Variants in EEF1D observed in about 807,000 individuals in gnomAD.
EEF1D encodes elongation factor 1-delta.
EEF1D carries 47 observed loss-of-function variants against 63.9 expected under a neutral mutation model. The observed-to-expected ratio is 0.74, with a 90% CI of 0.58 to 0.94. EEF1D has a LOEUF of 0.94. Among genes scored for constraint, EEF1D ranks in the 40% least tolerant of loss-of-function variants. The pLI, the probability that EEF1D is intolerant of heterozygous loss-of-function variation, is 0.00. For missense variants in EEF1D, 907 were observed against 899.0 expected, an observed-to-expected ratio of 1.01 and a Z score of -0.11; for synonymous variants, 412 against 386.1, an observed-to-expected ratio of 1.07 and a Z score of -0.79.
chr8:143,580,280 C>T lies in EEF1D; in HGVS notation c.1711-74G>A, dbSNP rs1160375475. 53 of 1,456,022 alleles carry T rather than the reference C, an allele frequency of 3.6e-5. 1 individual carries two copies. Among genetic ancestry groups the T allele is most frequent in the South Asian group, 1.1e-4 (9 of 79,756 alleles). 90.2% of individuals were successfully genotyped at this position (1,456,022 alleles called of 1,614,324 possible). A position where few individuals can be genotyped will look rare whatever the true frequency, so the allele number is the denominator to read the frequency against. On this transcript the variant is annotated intron_variant, in intron 8 of 9. Transcript: ENST00000618139. The stretch of plus-strand genomic sequence containing the variant: ...CCAGGAAGTACCTGCATGCACCCTA[C>T]CCTCAACCACTGTGTGTCCACAATT...
In EEF1D at chr8:143,580,947, C is replaced by A. The variant is rs1825380962; in HGVS notation, c.1488+107G>T. 5 of 1,333,300 alleles carry A rather than the reference C, an allele frequency of 3.8e-6. No individual in the cohort carries two copies. In the East Asian group the frequency reaches 9.2e-5, roughly 25 times the overall value. The allele number at this position is 1,333,300 out of a possible 1,614,324, so 82.6% of individuals were successfully genotyped here. A position where few individuals can be genotyped will look rare whatever the true frequency, so the allele number is the denominator to read the frequency against. ...CCTGGGGACCTGAGGACTCCAGTATCCTGGCTGCCAGCTCATCACTGCTGC... is the reference window on the plus strand; with the variant it reads ...CCTGGGGACCTGAGGACTCCAGTATACTGGCTGCCAGCTCATCACTGCTGC... On this transcript the variant is annotated intron_variant, in intron 7 of 9. Coordinates refer to ENST00000618139, the MANE Select transcript of EEF1D (RefSeq NM_001130053.5).
rs1171511576 is a variant in EEF1D, at chr8:143,597,333, G to T, written c.-15+15C>A. 1.3e-5 allele frequency: 2 copies of T among 152,186 alleles called. No individual in the cohort carries two copies. The highest frequency in any genetic ancestry group is 2.9e-5 in the Non-Finnish European group (2 of 68,016). The allele number at this position is 152,186 out of a possible 1,614,324, so 9.4% of individuals were successfully genotyped here. A position where few individuals can be genotyped will look rare whatever the true frequency, so the allele number is the denominator to read the frequency against. The stretch of plus-strand genomic sequence containing the variant: ...GTCGCGCCCGACTCCTTCCGGCGGG[G>T]GCCGCGGTACTCACACGCCAGCCAA... On this transcript the variant is annotated intron_variant, in intron 1 of 9. Coordinates refer to ENST00000618139, the MANE Select transcript of EEF1D (RefSeq NM_001130053.5).
rs562131178 is a variant in EEF1D at position 143,579,793 on chromosome 8, C to T, written c.1943G>A (p.Ter648=). The change falls in exon 10 of 10, where the codon TGA becomes TAA. Residue 648 remains the stop codon, a stop_retained_variant. Coordinates refer to ENST00000618139, the MANE Select transcript of EEF1D (RefSeq NM_001130053.5). The part of the protein sequence containing the change: ...SVDIAAFNKI[*] Reference sequence around the variant, plus strand: ...CGCGCACGTACACACACTCAGGCTTCAGATCTTGTTGAAAGCTGCGATATC... The same window carrying T: ...CGCGCACGTACACACACTCAGGCTTTAGATCTTGTTGAAAGCTGCGATATC... The T allele has an allele frequency of 4.5e-6, 7 of 1,562,462 alleles. No individual in the cohort carries two copies. The African/African-American group carries it at 6.8e-5, about 15-fold the overall frequency.
chr8:143,580,948 C>T (rs145556475), intron 7 of EEF1D, 106 bp downstream of exon 7: 20,645 of 1,341,054 alleles, frequency 0.015, 277 homozygotes, highest in South Asian at 0.035. Flanking sequence ...CTCCAGTATC[C>T]TGGCTGCCAG....
intron 1 of EEF1D, among the ~76,000 whole-genome samples, chr8:143,593,301 C>T (rs968232208): frequency 2.0e-5 from 3 of 152,222 alleles, no homozygotes; most frequent in South Asian, 2.1e-4. Context: ...AGGACAGGAC[C>T]TCCACCCAGT....
At chr8:143,595,941 C>T (rs1212212036) in intron 1 of EEF1D, 1 of 152,338 alleles carries the variant, frequency 6.6e-6, no homozygotes, top group East Asian at 1.9e-4. Flanking sequence ...GCTTCCAACA[C>T]GCTGATGTCA....
intron 5 of EEF1D, chr8:143,583,980 C>G (rs1826047085): frequency 6.6e-6 from 1 of 152,248 alleles, no homozygotes; most frequent in Non-Finnish European, 1.5e-5. Context: ...CCAGAAGAGA[C>G]AAGGAAGCGG....
chr8:143,581,790 G>C (rs1825611180), intron 5 of EEF1D: 1 of 168,692 alleles, frequency 5.9e-6, no homozygotes, highest in Non-Finnish European at 1.3e-5. Flanking sequence ...GCCACCCAAA[G>C]CTTTGTCTCC....
rs1437709742 is a variant in EEF1D at position 143,589,229 on chromosome 8, C to T, written c.853G>A (p.Gly285Arg). The T allele has an allele frequency of 1.3e-6, 2 of 1,577,714 alleles. No homozygotes were observed. The change falls in exon 3 of 10, where the codon GGG becomes AGG. Residue 285 changes from glycine to arginine, a missense_variant. By Grantham distance (125) the Gly-to-Arg change is moderately radical. Coordinates refer to ENST00000618139, the MANE Select transcript of EEF1D (RefSeq NM_001130053.5). ...CGTCGCAGCCCGGCCCGCTTGTTCC[C>T]TAAGATGTTGCGGCCCCGCCGGTCT... ...RRDRRGRNILGNKRAGLRRAD... is the reference protein window; with the variant it reads ...RRDRRGRNILRNKRAGLRRAD...
rs530995002 is a variant in EEF1D at position 143,589,233 on chromosome 8, G to C, written c.849C>G (p.Ile283Met). The C allele has an allele frequency of 6.4e-6, 10 of 1,572,492 alleles. No homozygotes were observed. In the South Asian group the frequency reaches 1.1e-4, roughly 18 times the overall value. ...GCAGCCCGGCCCGCTTGTTCCCTAA[G>C]ATGTTGCGGCCCCGCCGGTCTCTGC... ...RGRRDRRGRNILGNKRAGLRR... is the reference protein window; with the variant it reads ...RGRRDRRGRNMLGNKRAGLRR... Residue 283 changes from isoleucine (I) to methionine (M), a missense_variant, in exon 3 of 10, where the codon ATC becomes ATG. Coordinates refer to ENST00000618139, the MANE Select transcript of EEF1D (RefSeq NM_001130053.5).
At chr8:143,586,621 T>C in intron 4 of EEF1D, 108 bp downstream of exon 4, 4 of 1,467,606 alleles carry the variant, frequency 2.7e-6, no homozygotes, top group African/African-American at 1.4e-5. Context: ...GCAGAGCCAC[T>C]GGGCCAGGGT....
chr8:143,589,968 G>T lies in EEF1D; in HGVS notation c.114C>A (p.Ser38=). ...YEHEATQAAA[S]AQQLPAEGPA... ...GCCCCTCGGCTGGCAGCTGCTGGGC[G>T]GAGGCGGCCGCCTGTGTGGCCTCGT... Residue 38 remains serine (S), a synonymous_variant, in exon 3 of 10, where the codon TCC becomes TCA. Transcript: ENST00000618139. 6.3e-7 allele frequency: 1 copy of T among 1,598,890 alleles called. No homozygotes were observed.
chr8:143,583,688 A>G (rs1216793540), intron 5 of EEF1D: 2 of 145,020 alleles, frequency 1.4e-5, no homozygotes, highest in Non-Finnish European at 3.0e-5. Flanking sequence ...GAGCCAGCAC[A>G]CCCCTAGGTG....
At chr8:143,591,441 G>A (rs1301375264) in intron 2 of EEF1D, among the ~76,000 whole-genome samples, 1 of 152,186 alleles carries the variant, frequency 6.6e-6, no homozygotes, top group Non-Finnish European at 1.5e-5. Context: ...AAGGCCAGGG[G>A]CAAATCTGCT....
chr8:143,593,768 C>T (rs1171003195), intron 1 of EEF1D: 1 of 768,696 alleles, frequency 1.3e-6, no homozygotes, highest in Non-Finnish European at 1.6e-6. Flanking sequence ...GGGAGCTGGC[C>T]ACTAACAGCG....
chr8:143,582,694 A>G (rs1825788717), intron 5 of EEF1D: 1 of 151,940 alleles, frequency 6.6e-6, no homozygotes, highest in Admixed American at 6.6e-5. Context: ...AGCCCACAGC[A>G]CTCAGGACAC....
intron 3 of EEF1D, 26 bp from the exon 4 acceptor site, chr8:143,586,878 G>A (rs375102743): frequency 5.0e-6 from 8 of 1,611,796 alleles, no homozygotes; most frequent in Non-Finnish European, 6.8e-6. Context: ...GGCAAAGTCA[G>A]CATGGCTGGG....
intron 1 of EEF1D, chr8:143,593,816 A>C: frequency 1.0e-6 from 1 of 978,176 alleles, no homozygotes; most frequent in Non-Finnish European, 1.2e-6. Flanking sequence ...ACAGCCCCCC[A>C]CACGTCCGAG....
rs1227454025 is a variant in EEF1D at position 143,589,990 on chromosome 8, T to C, written c.92A>G (p.Glu31Gly). 6.3e-7 allele frequency: 1 copy of C among 1,599,396 alleles called. No homozygotes were observed. The highest frequency in any genetic ancestry group is 1.3e-5 in the African/African-American group (1 of 74,930). Residue 31 changes from glutamate to glycine, a missense_variant, in exon 3 of 10, where the codon GAG becomes GGG. Transcript: ENST00000618139. ...GGCGGAGGCGGCCGCCTGTGTGGCC[T>C]CGTGTTCGTAGAAGCGCCGCTCGGC... ...EEAERRFYEHEATQAAASAQQ... is the reference protein window; with the variant it reads ...EEAERRFYEHGATQAAASAQQ...
Sources: gnomAD v4.1 joint callset for allele counts (sites outside exome capture counted in the v4.1 genomes callset) on GRCh38, gnomAD v4.1.1 for gene constraint, MANE v1.5 for transcripts, NCBI Gene and HGNC (gene_info 2026-07-23, HGNC 2026-07-21) for gene names.